DSCAM: variants seen among roughly 807,000 people sequenced by gnomAD.
DSCAM encodes DS cell adhesion molecule.
A neutral mutation model predicts 217.7 loss-of-function variants in DSCAM; 47 were observed. That is an observed-to-expected ratio of 0.22 (90% CI 0.17 to 0.28). The LOEUF is 0.28. DSCAM is among the 10% of genes least tolerant of loss of function. The probability of loss-of-function intolerance (pLI) is 1.00; values close to 1 mark genes in which losing one functional copy is unlikely to be tolerated. For synonymous variants in DSCAM, 1,056 were observed against 1,015.3 expected (o/e 1.04, Z -0.76); for missense variants, 2,080 against 2,618.3 (o/e 0.79, Z 4.49).
At chr21:40,613,741 G>A (rs183674682) in intron 3 of DSCAM, among the ~76,000 whole-genome samples, 6 of 151,880 alleles carry the variant, frequency 4.0e-5, no homozygotes, top group African/African-American at 1.4e-4. Context: ...CTGCACCTGG[G>A]CATATTATTA....
At chr21:40,169,997 G>C (rs2090638074) in intron 15 of DSCAM, among the ~76,000 whole-genome samples, 1 of 152,006 alleles carries the variant, frequency 6.6e-6, no homozygotes, top group African/African-American at 2.4e-5. Context: ...CTTTTAAAAG[G>C]GACATGGCCC....
At chr21:40,701,837 T>C (rs546093386) in intron 2 of DSCAM, among the ~76,000 whole-genome samples, 15 of 152,296 alleles carry the variant, frequency 9.8e-5, no homozygotes, top group Admixed American at 4.6e-4. Flanking sequence ...ATTTGTTTTG[T>C]TGCTCTGAGT....
intron 3 of DSCAM, among the ~76,000 whole-genome samples, chr21:40,370,463 GA>G (rs1295836734): frequency 6.6e-6 from 1 of 152,066 alleles, no homozygotes; most frequent in Non-Finnish European, 1.5e-5. Flanking sequence ...AGGTTCAGTT[GA>G]AACATCCTTT....
intron 3 of DSCAM, among the ~76,000 whole-genome samples, chr21:40,684,692 A>G (rs56223969): frequency 0.35 from 53,017 of 152,124 alleles, 10,799 homozygotes; most frequent in Non-Finnish European, 0.45. Context: ...ACTGTGGCAC[A>G]TTGTCTAAGC....
At chr21:40,552,813 T>G (rs1431563213) in intron 3 of DSCAM, among the ~76,000 whole-genome samples, 1 of 152,254 alleles carries the variant, frequency 6.6e-6, no homozygotes, top group Admixed American at 6.5e-5. Flanking sequence ...ATAAATAGTT[T>G]TGAGACTACA....
intron 3 of DSCAM, among the ~76,000 whole-genome samples, chr21:40,510,057 C>T (rs1183346472): frequency 3.3e-5 from 5 of 152,032 alleles, no homozygotes; most frequent in Admixed American, 2.6e-4. Context: ...CCAGGAGGCA[C>T]AGGTTTGCAG....
intron 11 of DSCAM, among the ~76,000 whole-genome samples, chr21:40,200,406 GT>G (rs1222561280): frequency 1.3e-5 from 2 of 152,140 alleles, no homozygotes; most frequent in Non-Finnish European, 2.9e-5. Context: ...TACAGTATTT[GT>G]CTTTTTGTAT....
chr21:40,315,813 C>T (rs2074190237), intron 8 of DSCAM, among the ~76,000 whole-genome samples: 1 of 152,178 alleles, frequency 6.6e-6, no homozygotes, highest in African/African-American at 2.4e-5. Flanking sequence ...ACAACACTGT[C>T]AGTTATCTGA....
At chr21:40,069,394 G>T (rs952137060) in intron 27 of DSCAM, among the ~76,000 whole-genome samples, 1 of 152,210 alleles carries the variant, frequency 6.6e-6, no homozygotes, top group African/African-American at 2.4e-5. Context: ...TGGCATGAAG[G>T]TGCACATCAG....
At chr21:40,454,920 T>C (rs1004520755) in intron 3 of DSCAM, among the ~76,000 whole-genome samples, 4 of 152,138 alleles carry the variant, frequency 2.6e-5, no homozygotes, top group African/African-American at 9.7e-5. Flanking sequence ...GTCCTCAGAA[T>C]CACAAACTGC....
chr21:40,327,069 TA>T (rs2074325578), intron 8 of DSCAM, among the ~76,000 whole-genome samples: 6 of 152,042 alleles, frequency 3.9e-5, no homozygotes, highest in Admixed American at 3.3e-4. Context: ...AGTCAATGCA[TA>T]TAAAAGATCC....
At chr21:40,546,534 T>C (rs1254379981) in intron 3 of DSCAM, among the ~76,000 whole-genome samples, 1 of 152,214 alleles carries the variant, frequency 6.6e-6, no homozygotes, top group Non-Finnish European at 1.5e-5. Context: ...ACAATACCTA[T>C]GCCACCAGCT....
chr21:40,297,152 A>T (rs2073964288), intron 9 of DSCAM, among the ~76,000 whole-genome samples: 1 of 152,178 alleles, frequency 6.6e-6, no homozygotes, highest in Non-Finnish European at 1.5e-5. Flanking sequence ...TGTGCCTATA[A>T]AAAACAAGAT....
At chr21:40,419,138 CTT>C (rs58690151) in intron 3 of DSCAM, among the ~76,000 whole-genome samples, 10,232 of 138,288 alleles carry the variant, frequency 0.074, 410 homozygotes, top group Middle Eastern at 0.11. Context: ...ACCCGGCTAG[CTT>C]TTTTTTTTTT....
chr21:40,039,817 C>T (rs1291690554), intron 32 of DSCAM, among the ~76,000 whole-genome samples: 1 of 151,214 alleles, frequency 6.6e-6, no homozygotes, highest in African/African-American at 2.4e-5. Flanking sequence ...GTACTGAAGA[C>T]AGAAAAAATA....
intron 1 of DSCAM, among the ~76,000 whole-genome samples, chr21:40,726,856 G>T (rs909558487): frequency 6.6e-6 from 1 of 152,064 alleles, no homozygotes; most frequent in Non-Finnish European, 1.5e-5. Flanking sequence ...ATGGAGTAAT[G>T]GATTAATTGA....
In DSCAM at chr21:40,042,399, A is replaced by G. The variant is rs1458418748; in HGVS notation, c.5658T>C (p.Asn1886=). The G allele has an allele frequency of 6.2e-7, 1 of 1,614,126 alleles. No individual in the cohort carries two copies. Among genetic ancestry groups the G allele is most frequent in the South Asian group, 1.1e-5 (1 of 91,070 alleles). ...GCCGATGTGCCTTTGGAACTGCCAT[A>G]TTCATTACTCTTCCTCCATCCTGAG... The part of the protein sequence containing the change: ...PKPQDGGRVM[N]MAVPKAHRPG... Residue 1886 remains asparagine (N), a synonymous_variant, in exon 32 of 33, where the codon AAT becomes AAC. Coordinates refer to ENST00000400454, the MANE Select transcript of DSCAM (RefSeq NM_001389.5).
chr21:40,378,366 TG>T (rs1569094078), intron 3 of DSCAM, among the ~76,000 whole-genome samples: 2 of 152,026 alleles, frequency 1.3e-5, no homozygotes, highest in East Asian at 3.9e-4. Context: ...CCTCTATAGG[TG>T]GGCATGTAAA....
chr21:40,728,264 C>T (rs771529754), intron 1 of DSCAM, among the ~76,000 whole-genome samples: 6 of 152,250 alleles, frequency 3.9e-5, no homozygotes, highest in Non-Finnish European at 8.8e-5. Context: ...CTGATGTATT[C>T]CCAATTCCTA....
Sources: allele counts gnomAD v4.1 joint callset (sites outside exome capture counted in the v4.1 genomes callset), GRCh38; gene constraint gnomAD v4.1.1; transcripts MANE v1.5; gene names NCBI Gene and HGNC (gene_info 2026-07-23, HGNC 2026-07-21).